The following HTR1F variants were observed in gnomAD, a reference collection of about 807,000 sequenced individuals.
HTR1F encodes 5-hydroxytryptamine (serotonin) receptor 1F, G protein-coupled.
Under a neutral mutation model 24.0 loss-of-function variants are expected in HTR1F, and 17 were observed. That is an observed-to-expected ratio of 0.71 (90% CI 0.48 to 1.06). HTR1F has a LOEUF of 1.06. Among genes scored for constraint, HTR1F ranks in the 50% least tolerant of loss-of-function variants. The pLI is 0.00. For synonymous variants in HTR1F, 186 were observed against 156.8 expected, an observed-to-expected ratio of 1.19 and a Z score of -1.39; for missense variants, 391 against 427.8, an observed-to-expected ratio of 0.91 and a Z score of 0.76.
chr3:87,924,748 G>A (rs1420078811), intron 2 of HTR1F, among the ~76,000 whole-genome samples: 1 of 152,088 alleles, frequency 6.6e-6, no homozygotes, highest in Non-Finnish European at 1.5e-5. Flanking sequence ...AGTCTAATGA[G>A]GGTTCCTTCA....
intron 2 of HTR1F, among the ~76,000 whole-genome samples, chr3:87,870,345 C>T (rs1396803797): frequency 5.9e-5 from 9 of 152,048 alleles, no homozygotes; most frequent in African/African-American, 2.2e-4. Flanking sequence ...TGGAAGAATT[C>T]TCCAACTAAG....
At chr3:87,938,787 C>T (rs1347352580) in intron 2 of HTR1F, among the ~76,000 whole-genome samples, 1 of 152,132 alleles carries the variant, frequency 6.6e-6, no homozygotes, top group Non-Finnish European at 1.5e-5. Context: ...CAAAAATCAA[C>T]TCAAGATGGA....
chr3:87,846,049 A>G (rs1205364805), intron 2 of HTR1F, among the ~76,000 whole-genome samples: 6 of 151,904 alleles, frequency 3.9e-5, no homozygotes, highest in Admixed American at 3.9e-4. Context: ...ATAAGCAGTA[A>G]ACCAAATTTC....
intron 2 of HTR1F, among the ~76,000 whole-genome samples, chr3:87,922,997 G>A (rs376427035): frequency 2.0e-5 from 3 of 151,064 alleles, no homozygotes; most frequent in Admixed American, 1.3e-4. Context: ...TGGATATCCC[G>A]TTTTTCCAGC....
In HTR1F at chr3:87,950,513, A is replaced by G. The variant is rs180832513; in HGVS notation, c.-42-40195A>G. Among the ~76,000 whole-genome samples, 550 of 151,512 alleles carry G rather than the reference A, an allele frequency of 3.6e-3. 3 individuals carry two copies. The highest frequency in any genetic ancestry group is 0.012 in the African/African-American group (501 of 41,238). ...CAGTTGATCAGGATGCCCTGATGTT[A>G]TTTTTTTACAGATTTATCTTAGACC... On this transcript the variant is annotated intron_variant, in intron 2 of 2. Transcript: ENST00000319595.
At chr3:87,928,337 G>A (rs1056363096) in intron 2 of HTR1F, among the ~76,000 whole-genome samples, 1 of 152,016 alleles carries the variant, frequency 6.6e-6, no homozygotes, top group Non-Finnish European at 1.5e-5. Flanking sequence ...GAGCCACCAC[G>A]CTAGGCCCTT....
At position 87,818,271 on chromosome 3, in the gene HTR1F, A is replaced by G. The variant is rs371144288; in HGVS notation, c.-159-3737A>G. On this transcript the variant is annotated intron_variant, in intron 1 of 2. Coordinates refer to ENST00000319595, the MANE Select transcript of HTR1F (RefSeq NM_001322209.2). ...ATACAAATCAACATAGATACCAGAGAGTTTTAAAAATAATAGGTGCACAAG... is the reference window on the plus strand; with the variant it reads ...ATACAAATCAACATAGATACCAGAGGGTTTTAAAAATAATAGGTGCACAAG... Among the ~76,000 whole-genome samples, 4 of 152,178 alleles carry G rather than the reference A, an allele frequency of 2.6e-5. 1 individual carries two copies. Among genetic ancestry groups the G allele is most frequent in the African/African-American group, 9.7e-5 (4 of 41,438 alleles).
intron 2 of HTR1F, among the ~76,000 whole-genome samples, chr3:87,970,452 G>T (rs1705261620): frequency 6.6e-6 from 1 of 152,180 alleles, no homozygotes. Flanking sequence ...TAGAGGAAAA[G>T]CCCAAAGTGG....
intron 2 of HTR1F, among the ~76,000 whole-genome samples, chr3:87,904,300 G>A (rs1703608779): frequency 6.6e-6 from 1 of 152,098 alleles, no homozygotes; most frequent in Admixed American, 6.6e-5. Flanking sequence ...AAATTCATTG[G>A]AAAACTGTTT....
chr3:87,903,739 T>A (rs905822550), intron 2 of HTR1F, among the ~76,000 whole-genome samples: 2 of 152,102 alleles, frequency 1.3e-5, no homozygotes, highest in African/African-American at 2.4e-5. Context: ...GATCTAGAAC[T>A]AGAAATACCA....
At chr3:87,909,676 T>C (rs777260402) in intron 2 of HTR1F, among the ~76,000 whole-genome samples, 3 of 152,024 alleles carry the variant, frequency 2.0e-5, no homozygotes, top group African/African-American at 4.8e-5. Flanking sequence ...TATTTTTTCA[T>C]TTATGTAAAG....
intron 2 of HTR1F, among the ~76,000 whole-genome samples, chr3:87,945,755 T>C (rs1413146296): frequency 6.6e-6 from 1 of 152,158 alleles, no homozygotes; most frequent in Non-Finnish European, 1.5e-5. Context: ...GGGTGCCCGA[T>C]ATTTTCCTCC....
chr3:87,910,557 G>C (rs1559627748), intron 2 of HTR1F, among the ~76,000 whole-genome samples: 1 of 151,996 alleles, frequency 6.6e-6, no homozygotes, highest in Non-Finnish European at 1.5e-5. Flanking sequence ...GTATTAGACA[G>C]ATCACTGAGG....
intron 2 of HTR1F, among the ~76,000 whole-genome samples, chr3:87,988,882 G>A (rs1447362680): frequency 6.6e-6 from 1 of 151,790 alleles, no homozygotes; most frequent in African/African-American, 2.4e-5. Flanking sequence ...CCTGGTTCAA[G>A]GTGTTTTATA....
intron 2 of HTR1F, among the ~76,000 whole-genome samples, chr3:87,954,775 C>A (rs1704908988): frequency 1.3e-5 from 2 of 151,660 alleles, no homozygotes; most frequent in South Asian, 4.1e-4. Context: ...AAGTAATAAA[C>A]TAAGTTATCA....
intron 2 of HTR1F, among the ~76,000 whole-genome samples, chr3:87,945,791 T>C (rs1370747197): frequency 6.6e-6 from 1 of 152,082 alleles, no homozygotes; most frequent in African/African-American, 2.4e-5. Flanking sequence ...TAGGACAGAA[T>C]AGCAAGCAAA....
At chr3:87,936,789 G>C (rs928265861) in intron 2 of HTR1F, among the ~76,000 whole-genome samples, 10 of 151,908 alleles carry the variant, frequency 6.6e-5, no homozygotes, top group Middle Eastern at 3.2e-3. Flanking sequence ...CTACCCACTA[G>C]GAGATTTACA....
At chr3:87,904,605 A>C (rs1355455131) in intron 2 of HTR1F, among the ~76,000 whole-genome samples, 2 of 152,124 alleles carry the variant, frequency 1.3e-5, no homozygotes, top group Non-Finnish European at 2.9e-5. Context: ...TTCTTCAGTA[A>C]TAAAATGAAT....
chr3:87,946,370 G>T (rs1337224776), intron 2 of HTR1F, among the ~76,000 whole-genome samples: 1 of 152,136 alleles, frequency 6.6e-6, no homozygotes, highest in African/African-American at 2.4e-5. Flanking sequence ...GGGCCCCAAA[G>T]AGGGTAGCCT....
Sources: gnomAD v4.1 joint callset for allele counts (sites outside exome capture counted in the v4.1 genomes callset) on GRCh38, gnomAD v4.1.1 for gene constraint, MANE v1.5 for transcripts, NCBI Gene and HGNC (gene_info 2026-07-23, HGNC 2026-07-21) for gene names.